Variants in ETS1 observed in about 807,000 individuals in gnomAD.
ETS1 encodes protein C-ets-1.
A neutral mutation model predicts 58.6 loss-of-function variants in ETS1; 15 were observed. The ratio of observed to expected loss-of-function variants is 0.26; its 90% CI spans 0.17 to 0.39. ETS1 has a LOEUF of 0.39. ETS1 is among the 10% of genes least tolerant of loss of function. The pLI is 1.00. For missense variants in ETS1, 417 were observed against 610.5 expected (o/e 0.68, Z 3.34); for synonymous variants, 214 against 218.2 (o/e 0.98, Z 0.17).
intron 3 of ETS1, among the ~76,000 whole-genome samples, chr11:128,515,916 C>G (rs1863511428): frequency 6.6e-6 from 1 of 152,130 alleles, no homozygotes; most frequent in Non-Finnish European, 1.5e-5. Flanking sequence ...GGCTTGCACC[C>G]AAGCAGTAGA....
intron 2 of ETS1, among the ~76,000 whole-genome samples, chr11:128,557,782 A>G (rs1327781787): frequency 2.6e-5 from 4 of 152,260 alleles, no homozygotes; most frequent in Non-Finnish European, 5.9e-5. Flanking sequence ...TAAGGTCTCA[A>G]TAAAGGTAGC....
intron 3 of ETS1, among the ~76,000 whole-genome samples, chr11:128,511,079 C>T (rs11221332): frequency 0.18 from 27,278 of 152,100 alleles, 2,791 homozygotes; most frequent in South Asian, 0.24. Context: ...TCTCTGTATG[C>T]CTCCTTGGTA....
At chr11:128,493,616 C>A (rs1481779637) in intron 3 of ETS1, among the ~76,000 whole-genome samples, 1 of 152,122 alleles carries the variant, frequency 6.6e-6, no homozygotes. Context: ...TTGATCAGCT[C>A]CAGAGAAGGC....
At chr11:128,552,740 G>A (rs1864251329) in intron 3 of ETS1, among the ~76,000 whole-genome samples, 1 of 152,080 alleles carries the variant, frequency 6.6e-6, no homozygotes, top group African/African-American at 2.4e-5. Context: ...TGTGTCCTGT[G>A]TGCTCAGCTG....
In ETS1 at chr11:128,463,485, A is replaced by T. The variant is rs757897923; in HGVS notation, c.1242+24T>A. ...TTCTCTCATCCTTCCTCAACACAGTACTCGCAAGCCCCTCCTTCCTTACCT... is the reference window on the plus strand; with the variant it reads ...TTCTCTCATCCTTCCTCAACACAGTTCTCGCAAGCCCCTCCTTCCTTACCT... On this transcript the variant is annotated intron_variant, in intron 9 of 9. Transcript: ENST00000392668. This position sits in a 1 kb window ranked among gnomAD's most constrained non-coding sequence, Gnocchi z 4.1. 7.8e-6 allele frequency: 10 copies of T among 1,275,048 alleles called. No individual in the cohort carries two copies. Among genetic ancestry groups the T allele is most frequent in the Admixed American group, 1.7e-5 (1 of 59,484 alleles). The allele number at this position is 1,275,048 out of a possible 1,614,324, so 79.0% of individuals were successfully genotyped here. A position where few individuals can be genotyped will look rare whatever the true frequency, so the allele number is the denominator to read the frequency against.
At chr11:128,497,335 C>A (rs1163773910) in intron 3 of ETS1, among the ~76,000 whole-genome samples, 3 of 152,162 alleles carry the variant, frequency 2.0e-5, no homozygotes, top group African/African-American at 7.2e-5. Flanking sequence ...AGGGAAGCTG[C>A]CCTAAGACAA....
rs1390036474 is a variant in ETS1 at position 128,464,641 on chromosome 11, C to G, written c.1124-1014G>C. 3.3e-5 allele frequency among the ~76,000 whole-genome samples: 5 copies of G among 152,260 alleles called. No homozygotes were observed. The highest frequency in any genetic ancestry group is 5.9e-5 in the Non-Finnish European group (4 of 68,022). Reference sequence around the variant, plus strand: ...GGACTGGGAAAGACCCAGTCCATGTCTCTGGATACAGCCCAGGAAGCACCA... The same window carrying G: ...GGACTGGGAAAGACCCAGTCCATGTGTCTGGATACAGCCCAGGAAGCACCA... On this transcript the variant is annotated intron_variant, in intron 8 of 9. Transcript: ENST00000392668. The surrounding 1 kb of genome is among the most constrained non-coding windows in gnomAD (Gnocchi z 4.1).
At chr11:128,548,060 G>C (rs1864158399) in intron 3 of ETS1, among the ~76,000 whole-genome samples, 1 of 136,240 alleles carries the variant, frequency 7.3e-6, no homozygotes, top group African/African-American at 2.8e-5. Flanking sequence ...GCATTCAATA[G>C]GGAAAAAAAG....
intron 2 of ETS1, among the ~76,000 whole-genome samples, chr11:128,566,331 GA>G (rs1211588511): frequency 6.6e-6 from 1 of 152,208 alleles, no homozygotes; most frequent in South Asian, 2.1e-4. Flanking sequence ...AAGGAAAAGA[GA>G]ATTGATGGAG....
At chr11:128,564,134 C>T (rs1000698171) in intron 2 of ETS1, among the ~76,000 whole-genome samples, 6 of 152,076 alleles carry the variant, frequency 3.9e-5, no homozygotes, top group Admixed American at 2.0e-4. Context: ...TCAGAGGGCA[C>T]GTTTGTTCTG....
intron 3 of ETS1, among the ~76,000 whole-genome samples, chr11:128,500,367 G>T (rs1565383558): frequency 6.6e-6 from 1 of 152,116 alleles, no homozygotes; most frequent in Non-Finnish European, 1.5e-5. Flanking sequence ...AATTTTGAAA[G>T]GAAATTCTCT....
chr11:128,582,324 C>T (rs960066934), intron 1 of ETS1, among the ~76,000 whole-genome samples: 1 of 152,152 alleles, frequency 6.6e-6, no homozygotes, highest in African/African-American at 2.4e-5. Flanking sequence ...ATAATATCAA[C>T]ACTTTCAGGA....
intron 8 of ETS1, among the ~76,000 whole-genome samples, chr11:128,466,142 G>A (rs12792061): frequency 0.17 from 25,552 of 152,162 alleles, 2,785 homozygotes; most frequent in Non-Finnish European, 0.22. Context: ...ACCAGTGGCC[G>A]TGCCAGGCCC....
At position 128,463,812 on chromosome 11, in the gene ETS1, G is replaced by C. The variant is rs1861964105; in HGVS notation, c.1124-185C>G. 1 of 449,166 alleles carries C rather than the reference G, an allele frequency of 2.2e-6. No individual in the cohort carries two copies. The highest frequency in any genetic ancestry group is 3.6e-5 in the Admixed American group (1 of 27,434). The allele number at this position is 449,166 out of a possible 1,614,324, so 27.8% of individuals were successfully genotyped here. A position where few individuals can be genotyped will look rare whatever the true frequency, so the allele number is the denominator to read the frequency against. On this transcript the variant is annotated intron_variant, in intron 8 of 9. Coordinates refer to ENST00000392668, the MANE Select transcript of ETS1 (RefSeq NM_001143820.2). This position sits in a 1 kb window ranked among gnomAD's most constrained non-coding sequence, Gnocchi z 4.1. Reference sequence around the variant, plus strand: ...GCTCGAACAGATAGAAAAGACAAAGGCCTCCCTATAAAACAAAAGCATGGA... The same window carrying C: ...GCTCGAACAGATAGAAAAGACAAAGCCCTCCCTATAAAACAAAAGCATGGA...
intron 8 of ETS1, among the ~76,000 whole-genome samples, chr11:128,466,544 G>A (rs1400202874): frequency 1.4e-4 from 21 of 152,104 alleles, no homozygotes; most frequent in Non-Finnish European, 1.5e-5. Flanking sequence ...TTCTACCAGT[G>A]CATTTTCCAA....
At chr11:128,538,906 A>G (rs1265872896) in intron 3 of ETS1, among the ~76,000 whole-genome samples, 2 of 152,214 alleles carry the variant, frequency 1.3e-5, no homozygotes, top group Non-Finnish European at 2.9e-5. Context: ...GGTAGTTCGT[A>G]GGTGACATAT....
chr11:128,547,010 T>C (rs1864143141), intron 3 of ETS1, among the ~76,000 whole-genome samples: 1 of 151,980 alleles, frequency 6.6e-6, no homozygotes, highest in Admixed American at 6.6e-5. Flanking sequence ...GAGCATGAAA[T>C]AAAGAAATAT....
At chr11:128,544,003 T>C (rs903438161) in intron 3 of ETS1, among the ~76,000 whole-genome samples, 1 of 152,172 alleles carries the variant, frequency 6.6e-6, no homozygotes, top group African/African-American at 2.4e-5. Context: ...TAATTAATTT[T>C]ATACTTAATT....
At chr11:128,577,392 T>G (rs1428357344) in intron 1 of ETS1, among the ~76,000 whole-genome samples, 3 of 152,196 alleles carry the variant, frequency 2.0e-5, no homozygotes, top group Admixed American at 6.5e-5. Flanking sequence ...AGCAGCGCCT[T>G]TCTCCGTACT....
Sources: gnomAD v4.1 joint callset for allele counts (sites outside exome capture counted in the v4.1 genomes callset) on GRCh38, gnomAD v4.1.1 for gene constraint, Gnocchi (gnomAD v3.1) non-coding constraint, MANE v1.5 for transcripts, NCBI Gene and HGNC (gene_info 2026-07-23, HGNC 2026-07-21) for gene names.